RAP1GAP2: variants seen among roughly 807,000 people sequenced by gnomAD.
The protein encoded by RAP1GAP2 is rap1 GTPase-activating protein 2.
RAP1GAP2 carries 27 observed loss-of-function variants against 95.0 expected under a neutral mutation model. The ratio of observed to expected loss-of-function variants is 0.28; its 90% CI spans 0.21 to 0.39. The LOEUF (loss-of-function observed/expected upper bound fraction) is 0.39, where lower values mean the gene tolerates loss of function less well. Ranked by LOEUF, RAP1GAP2 falls within the 10% of genes least tolerant of loss-of-function variation. RAP1GAP2 has a pLI of 1.00. For missense variants in RAP1GAP2, 771 were observed against 970.0 expected, an observed-to-expected ratio of 0.79 and a Z score of 2.72; for synonymous variants, 373 against 380.9, an observed-to-expected ratio of 0.98 and a Z score of 0.24.
intron 1 of RAP1GAP2, among the ~76,000 whole-genome samples, chr17:2,758,330 C>T (rs1487387666): frequency 6.6e-6 from 1 of 151,938 alleles, no homozygotes; most frequent in Non-Finnish European, 1.5e-5. Flanking sequence ...TGCGCACCAC[C>T]ACGCCTGGCT....
At chr17:2,782,389 G>A (rs1379260594) in intron 1 of RAP1GAP2, among the ~76,000 whole-genome samples, 1 of 152,174 alleles carries the variant, frequency 6.6e-6, no homozygotes, top group Non-Finnish European at 1.5e-5. Context: ...GTGTCAGCAT[G>A]CTGTAGGGAA....
chr17:2,797,551 C>A lies in RAP1GAP2; in HGVS notation c.44+980C>A. 1 of 282,448 alleles carries A rather than the reference C, an allele frequency of 3.5e-6. No homozygotes were observed. The highest frequency in any genetic ancestry group is 5.3e-6 in the Non-Finnish European group (1 of 188,562). 17.5% of individuals were successfully genotyped at this position (282,448 alleles called of 1,614,324 possible). On this transcript the variant is annotated intron_variant, in intron 1 of 24. Coordinates refer to ENST00000254695, the MANE Select transcript of RAP1GAP2 (RefSeq NM_015085.5). The surrounding 1 kb of genome is among the most constrained non-coding windows in gnomAD (Gnocchi z 5.6). ...GGACTAATGGGGGTGGCACGAAGGG[C>A]GAGGGGGAGAGGGGCTGTGTTCCTC...
intron 3 of RAP1GAP2, among the ~76,000 whole-genome samples, chr17:2,919,671 C>T (rs116823172): frequency 0.022 from 3,347 of 152,090 alleles, 121 homozygotes; most frequent in African/African-American, 0.076. Flanking sequence ...GCTGCCAGGC[C>T]CTCCTTCCTT....
intron 22 of RAP1GAP2, 91 bp from the exon 23 acceptor site, chr17:3,030,831 C>T (rs2047266862): frequency 8.0e-7 from 1 of 1,257,136 alleles, no homozygotes; most frequent in Non-Finnish European, 1.1e-6. Context: ...GCAGGAGGCC[C>T]CCTTCCCCTG....
intron 13 of RAP1GAP2, 109 bp downstream of exon 13, chr17:2,995,575 C>T (rs751707610): frequency 1.2e-5 from 18 of 1,443,002 alleles, no homozygotes; most frequent in Non-Finnish European, 1.6e-5. Context: ...GTTCCCGTAG[C>T]CGGCCATTCG....
chr17:3,017,939 GTGTGTGTGTA>G, intron 17 of RAP1GAP2, 112 bp from the exon 18 acceptor site: 1 of 824,984 alleles, frequency 1.2e-6, no homozygotes, highest in Non-Finnish European at 1.8e-6. Context: ...GTGTGTGTGT[GTGTGTGTGTA>G]TGTGTGCACG....
At chr17:2,948,470 G>A (rs140335701) in intron 3 of RAP1GAP2, among the ~76,000 whole-genome samples, 2,978 of 152,156 alleles carry the variant, frequency 0.02, 38 homozygotes, top group Middle Eastern at 0.034. Context: ...ACAGGTGGAT[G>A]CCTGTCTGCA....
Position 2,962,724 on chromosome 17 carries a change from G to A in RAP1GAP2, c.246+10G>A. 6.3e-7 allele frequency: 1 copy of A among 1,592,748 alleles called. No individual in the cohort carries two copies. On this transcript the variant is annotated intron_variant, in intron 5 of 24. Transcript: ENST00000254695. ...ACCCCAGAAGAACAAGGTGGGCTGG[G>A]TGGGTGAGGGGGTGGCCAGACGGCC...
intron 3 of RAP1GAP2, among the ~76,000 whole-genome samples, chr17:2,916,344 A>G (rs1399150831): frequency 1.3e-5 from 2 of 152,210 alleles, no homozygotes; most frequent in Admixed American, 1.3e-4. Context: ...CCAAGAGCTT[A>G]GACGTGGTCT....
At chr17:2,897,509 C>T (rs2041875652) in intron 2 of RAP1GAP2, among the ~76,000 whole-genome samples, 1 of 151,678 alleles carries the variant, frequency 6.6e-6, no homozygotes, top group Non-Finnish European at 1.5e-5. Flanking sequence ...CTCCTGGGAT[C>T]AAGCAATTTC....
At chr17:2,835,981 G>T (rs894198656) in intron 2 of RAP1GAP2, among the ~76,000 whole-genome samples, 2 of 152,170 alleles carry the variant, frequency 1.3e-5, no homozygotes, top group Non-Finnish European at 1.5e-5. Flanking sequence ...AGGACTGTGC[G>T]CAGACCGCCC....
intron 1 of RAP1GAP2, among the ~76,000 whole-genome samples, chr17:2,783,527 G>A (rs142462832): frequency 1.1e-3 from 163 of 152,302 alleles, no homozygotes; most frequent in African/African-American, 3.6e-3. Flanking sequence ...CCTATATACT[G>A]TCTCTTACAC....
chr17:2,891,136 ATCTT>A (rs2073699934), intron 2 of RAP1GAP2, among the ~76,000 whole-genome samples: 1 of 149,322 alleles, frequency 6.7e-6, no homozygotes, highest in Non-Finnish European at 1.5e-5. Flanking sequence ...CTATGGACCT[ATCTT>A]TCTTTTTCTT....
chr17:3,019,064 AC>A (rs1441893277), intron 18 of RAP1GAP2, among the ~76,000 whole-genome samples: 2 of 152,080 alleles, frequency 1.3e-5, no homozygotes, highest in African/African-American at 4.8e-5. Context: ...TCTCAAAAAA[AC>A]AAAACAAAAC....
At chr17:2,849,589 C>A (rs1052299527) in intron 2 of RAP1GAP2, among the ~76,000 whole-genome samples, 1 of 152,204 alleles carries the variant, frequency 6.6e-6, no homozygotes, top group African/African-American at 2.4e-5. Context: ...CTGTCTCCCG[C>A]CCCAGGCCTG....
rs1372102301 is a variant in RAP1GAP2 at position 2,995,308 on chromosome 17, C to T, written c.915-29C>T. On this transcript the variant is annotated intron_variant, in intron 12 of 24. Coordinates refer to ENST00000254695, the MANE Select transcript of RAP1GAP2 (RefSeq NM_015085.5). Reference sequence around the variant, plus strand: ...CCCACTTTGCCTCACTCTCTTTTCTCCCCATCTCCTGCCCTGTTTTGTTGA... The same window carrying T: ...CCCACTTTGCCTCACTCTCTTTTCTTCCCATCTCCTGCCCTGTTTTGTTGA... 3.1e-6 allele frequency: 5 copies of T among 1,609,252 alleles called. No homozygotes were observed. The South Asian group carries it at 4.4e-5, about 14-fold the overall frequency.
At chr17:3,014,990 A>T (rs1206896333) in intron 17 of RAP1GAP2, among the ~76,000 whole-genome samples, 1 of 152,194 alleles carries the variant, frequency 6.6e-6, no homozygotes, top group East Asian at 1.9e-4. Flanking sequence ...TGGGCAACAC[A>T]GGAAGAACCT....
intron 12 of RAP1GAP2, among the ~76,000 whole-genome samples, chr17:2,994,447 G>A (rs551975456): frequency 5.3e-5 from 8 of 152,338 alleles, no homozygotes; most frequent in African/African-American, 1.9e-4. Flanking sequence ...TTTCTTGCCT[G>A]TGAGGAGACA....
intron 3 of RAP1GAP2, among the ~76,000 whole-genome samples, chr17:2,909,029 G>C (rs548727563): frequency 6.6e-6 from 1 of 152,278 alleles, no homozygotes; most frequent in African/African-American, 2.4e-5. Flanking sequence ...TAAGCACTGA[G>C]TTGGACGTGC....
Sources: gnomAD v4.1 joint callset for allele counts (sites outside exome capture counted in the v4.1 genomes callset) on GRCh38, gnomAD v4.1.1 for gene constraint, Gnocchi (gnomAD v3.1) non-coding constraint, MANE v1.5 for transcripts, NCBI Gene and HGNC (gene_info 2026-07-23, HGNC 2026-07-21) for gene names.